The following CRPPA variants were observed in gnomAD, a reference collection of about 807,000 sequenced individuals.
CRPPA encodes D-ribitol-5-phosphate cytidylyltransferase.
Under a neutral mutation model 52.0 loss-of-function variants are expected in CRPPA, and 43 were observed. The observed-to-expected ratio is 0.83, with a 90% CI of 0.65 to 1.07. The LOEUF (loss-of-function observed/expected upper bound fraction) is 1.07, where lower values mean the gene tolerates loss of function less well. Among genes scored for constraint, CRPPA ranks in the 50% least tolerant of loss-of-function variants. The pLI is 0.00. For missense variants in CRPPA, 629 were observed against 551.7 expected (o/e 1.14, Z -1.40); for synonymous variants, 250 against 203.5 (o/e 1.23, Z -1.94).
At chr7:16,384,844 T>G (rs1386133175) in intron 2 of CRPPA, among the ~76,000 whole-genome samples, 1 of 152,184 alleles carries the variant, frequency 6.6e-6, no homozygotes, top group Non-Finnish European at 1.5e-5. Context: ...GAACTGCCTA[T>G]GAGAAGGCCC....
At chr7:16,117,057 A>T (rs1782390133) in intron 9 of CRPPA, among the ~76,000 whole-genome samples, 1 of 152,152 alleles carries the variant, frequency 6.6e-6, no homozygotes, top group Admixed American at 6.5e-5. Flanking sequence ...TGGGCTGCAG[A>T]CTTCCACATG....
intron 9 of CRPPA, among the ~76,000 whole-genome samples, chr7:16,093,364 G>A (rs1446676190): frequency 6.6e-6 from 1 of 152,066 alleles, no homozygotes; most frequent in African/African-American, 2.4e-5. Context: ...TTAGCCTAAA[G>A]CCTGGCAATA....
intron 8 of CRPPA, among the ~76,000 whole-genome samples, chr7:16,255,895 T>G (rs1259313743): frequency 6.6e-6 from 1 of 152,202 alleles, no homozygotes; most frequent in African/African-American, 2.4e-5. Context: ...AAAGTCTTCA[T>G]GACTAAAACA....
At chr7:16,231,630 G>C (rs949336855) in intron 8 of CRPPA, among the ~76,000 whole-genome samples, 3 of 149,164 alleles carry the variant, frequency 2.0e-5, no homozygotes, top group Non-Finnish European at 4.4e-5. Context: ...AGCTAAAACA[G>C]ACTGAACTTT....
chr7:16,128,262 T>C (rs947728291), intron 9 of CRPPA, among the ~76,000 whole-genome samples: 1 of 151,990 alleles, frequency 6.6e-6, no homozygotes, highest in South Asian at 2.1e-4. Context: ...ACCCTCAACC[T>C]TAAAATAAAA....
intron 2 of CRPPA, among the ~76,000 whole-genome samples, chr7:16,378,372 G>C (rs1328551519): frequency 6.8e-6 from 1 of 147,642 alleles, no homozygotes; most frequent in Non-Finnish European, 1.5e-5. Flanking sequence ...TTGGTTTTTT[G>C]TACTTGCGAT....
intron 9 of CRPPA, among the ~76,000 whole-genome samples, chr7:16,159,438 G>A (rs1783255709): frequency 6.6e-6 from 1 of 152,148 alleles, no homozygotes; most frequent in South Asian, 2.1e-4. Context: ...ATGAGGACAG[G>A]CGGTGTTTGG....
At chr7:16,387,079 A>ATG (rs1562671648) in intron 2 of CRPPA, among the ~76,000 whole-genome samples, 13 of 47,478 alleles carry the variant, frequency 2.7e-4, no homozygotes, top group Non-Finnish European at 4.4e-4. Context: ...ATATATATAT[A>ATG]TATATATACA....
chr7:16,409,540 G>A (rs1029585889), intron 1 of CRPPA, among the ~76,000 whole-genome samples: 5 of 152,268 alleles, frequency 3.3e-5, no homozygotes, highest in East Asian at 3.9e-4. Flanking sequence ...TGTATATGGC[G>A]TTTTAGAGAT....
intron 8 of CRPPA, among the ~76,000 whole-genome samples, chr7:16,254,785 GA>G (rs1562588520): frequency 5.2e-4 from 62 of 119,280 alleles, no homozygotes; most frequent in African/African-American, 1.5e-3. Flanking sequence ...AAGAAAGAAA[GA>G]AAGAAGGAAA....
intron 9 of CRPPA, among the ~76,000 whole-genome samples, chr7:16,156,990 T>C (rs371739381): frequency 6.6e-6 from 1 of 152,116 alleles, no homozygotes; most frequent in Non-Finnish European, 1.5e-5. Context: ...AGCAATAACA[T>C]AGTTTTTTTG....
At chr7:16,290,653 T>A (rs1424324708) in intron 5 of CRPPA, among the ~76,000 whole-genome samples, 1 of 151,694 alleles carries the variant, frequency 6.6e-6, no homozygotes, top group African/African-American at 2.4e-5. Context: ...TCAAAATAGG[T>A]TAAAGATATA....
intron 9 of CRPPA, among the ~76,000 whole-genome samples, chr7:16,197,229 A>G (rs886107528): frequency 2.0e-5 from 3 of 152,232 alleles, no homozygotes; most frequent in African/African-American, 7.2e-5. Flanking sequence ...ATGGCTTTCC[A>G]CTGTGTACAA....
chr7:16,149,725 C>T (rs1485285327), intron 9 of CRPPA, among the ~76,000 whole-genome samples: 1 of 152,152 alleles, frequency 6.6e-6, no homozygotes, highest in African/African-American at 2.4e-5. Context: ...GGGGCTCACG[C>T]CTGTAATCCC....
chr7:16,093,458 G>A (rs1781877462), intron 9 of CRPPA, among the ~76,000 whole-genome samples: 1 of 152,158 alleles, frequency 6.6e-6, no homozygotes, highest in African/African-American at 2.4e-5. Context: ...CAGCTATGAG[G>A]ATGACGGTGA....
chr7:16,109,741 T>C lies in CRPPA; in HGVS notation c.1252-17942A>G, dbSNP rs561404658. 1.8e-3 allele frequency among the ~76,000 whole-genome samples: 273 copies of C among 152,146 alleles called. 1 individual carries two copies. The highest frequency in any genetic ancestry group is 6.3e-3 in the African/African-American group (260 of 41,560). On this transcript the variant is annotated intron_variant, in intron 9 of 9. Transcript: ENST00000407010. Reference sequence around the variant, plus strand: ...TCTCATCCAGATGCAAAAAAAGCACTTGACAAAATTCAGCATCCTTTCATG... The same window carrying C: ...TCTCATCCAGATGCAAAAAAAGCACCTGACAAAATTCAGCATCCTTTCATG...
intron 3 of CRPPA, among the ~76,000 whole-genome samples, chr7:16,325,894 T>C (rs538670027): frequency 7.0e-4 from 106 of 152,222 alleles, no homozygotes; most frequent in African/African-American, 2.5e-3. Context: ...TAGAATAGCA[T>C]CTTGGTTATA....
intron 3 of CRPPA, among the ~76,000 whole-genome samples, chr7:16,311,563 A>C (rs182101282): frequency 9.0e-4 from 137 of 152,166 alleles, no homozygotes; most frequent in Non-Finnish European, 1.8e-3. Context: ...CAGTTTGTTT[A>C]TCCCCTCATC....
intron 9 of CRPPA, among the ~76,000 whole-genome samples, chr7:16,149,504 C>A (rs1378466044): frequency 6.6e-6 from 1 of 152,106 alleles, no homozygotes; most frequent in Non-Finnish European, 1.5e-5. Context: ...TCTAACAATA[C>A]ACATTGGAAA....
Sources: gnomAD v4.1 joint callset for allele counts (sites outside exome capture counted in the v4.1 genomes callset) on GRCh38, gnomAD v4.1.1 for gene constraint, MANE v1.5 for transcripts, NCBI Gene and HGNC (gene_info 2026-07-23, HGNC 2026-07-21) for gene names.